Variants in DLGAP1 observed in about 807,000 individuals in gnomAD.
DLGAP1 encodes the protein disks large-associated protein 1.
In DLGAP1, 11 loss-of-function variants were observed where a neutral mutation model predicts 90.8. That is an observed-to-expected ratio of 0.12 (90% CI 0.08 to 0.20). DLGAP1 has a LOEUF of 0.20. Among genes scored for constraint, DLGAP1 ranks in the 10% least tolerant of loss-of-function variants. The pLI, the probability that DLGAP1 is intolerant of heterozygous loss-of-function variation, is 1.00. For missense variants in DLGAP1, 1,050 were observed against 1,333.8 expected (o/e 0.79, Z 3.31); for synonymous variants, 558 against 540.7 (o/e 1.03, Z -0.44).
chr18:4,447,456 A>G (rs2083696058), intron 1 of DLGAP1, among the ~76,000 whole-genome samples: 1 of 152,196 alleles, frequency 6.6e-6, no homozygotes, highest in Non-Finnish European at 1.5e-5. Context: ...ACATACATAC[A>G]TAGCAAAGAA....
chr18:4,009,655 C>T (rs943295663), intron 2 of DLGAP1, among the ~76,000 whole-genome samples: 2 of 152,226 alleles, frequency 1.3e-5, no homozygotes, highest in Non-Finnish European at 2.9e-5. Flanking sequence ...TTCCTCTCCT[C>T]ACTCTATTGG....
intron 7 of DLGAP1, among the ~76,000 whole-genome samples, chr18:3,592,843 CAAAAAAAA>C (rs56871583): frequency 3.7e-3 from 158 of 42,590 alleles, no homozygotes; most frequent in African/African-American, 8.7e-3. Flanking sequence ...GACCCTGCCT[CAAAAAAAA>C]AAAAAAAAAA....
intron 4 of DLGAP1, chr18:3,845,509 A>G: frequency 1.6e-6 from 2 of 1,270,130 alleles, no homozygotes; most frequent in Non-Finnish European, 2.0e-6. Flanking sequence ...CACTTAAGTG[A>G]ATACTTAGTG....
chr18:4,149,327 C>A (rs942726929), intron 2 of DLGAP1, among the ~76,000 whole-genome samples: 1 of 152,100 alleles, frequency 6.6e-6, no homozygotes, highest in African/African-American at 2.4e-5. Context: ...AGAATTCACT[C>A]GGATTCCATG....
intron 8 of DLGAP1, among the ~76,000 whole-genome samples, chr18:3,577,397 C>G (rs2055220669): frequency 6.6e-6 from 1 of 152,186 alleles, no homozygotes; most frequent in Non-Finnish European, 1.5e-5. Flanking sequence ...AAGAAGTGAG[C>G]CTGGTCTGTG....
chr18:3,510,439 G>C (rs1451381179), intron 10 of DLGAP1, among the ~76,000 whole-genome samples: 1 of 152,136 alleles, frequency 6.6e-6, no homozygotes, highest in Non-Finnish European at 1.5e-5. Flanking sequence ...GGAGAGAAAA[G>C]GAAAAAACAA....
At chr18:3,846,343 GTGCAT>G (rs760631092) in intron 4 of DLGAP1, among the ~76,000 whole-genome samples, 2 of 151,998 alleles carry the variant, frequency 1.3e-5, no homozygotes, top group Non-Finnish European at 2.9e-5. Flanking sequence ...AAAAGCACAG[GTGCAT>G]TTAATAAGAA....
intron 1 of DLGAP1, among the ~76,000 whole-genome samples, chr18:4,394,033 G>A (rs138207520): frequency 3.0e-4 from 46 of 152,318 alleles, no homozygotes; most frequent in Non-Finnish European, 4.3e-4. Context: ...TGGCAGAGGG[G>A]TTGGGGATCC....
chr18:4,017,395 T>C lies in DLGAP1; in HGVS notation c.-158-12194A>G, dbSNP rs571743541. ...AAAGAAAGCAGAAATGGTTTGGGAC[T>C]TCATATCCTGTTTTCCCTGGAGTTC... On this transcript the variant is annotated intron_variant, in intron 2 of 12. Transcript: ENST00000315677. Among the ~76,000 whole-genome samples the C allele has an allele frequency of 5.3e-5, 8 of 152,338 alleles. No individual in the cohort carries two copies. The East Asian group carries it at 1.4e-3, about 26-fold the overall frequency.
intron 1 of DLGAP1, among the ~76,000 whole-genome samples, chr18:4,299,217 A>G (rs1472284127): frequency 6.6e-6 from 1 of 152,172 alleles, no homozygotes; most frequent in African/African-American, 2.4e-5. Flanking sequence ...TCCAGTGCAC[A>G]CCAAGATTTA....
chr18:4,267,702 C>A (rs543088438), intron 1 of DLGAP1, among the ~76,000 whole-genome samples: 1 of 152,122 alleles, frequency 6.6e-6, no homozygotes, highest in South Asian at 2.1e-4. Context: ...GGCTCAGGAT[C>A]GCACATGAGG....
intron 3 of DLGAP1, among the ~76,000 whole-genome samples, chr18:3,902,242 C>T (rs892280377): frequency 6.6e-6 from 1 of 152,172 alleles, no homozygotes; most frequent in African/African-American, 2.4e-5. Flanking sequence ...AAATGAGTAA[C>T]TTGCTTTGTT....
chr18:3,823,179 G>T (rs750652712), intron 4 of DLGAP1, among the ~76,000 whole-genome samples: 1 of 152,206 alleles, frequency 6.6e-6, no homozygotes, highest in Non-Finnish European at 1.5e-5. Flanking sequence ...TAGCCCAAGA[G>T]TTGGGGTAGG....
At chr18:3,851,298 G>T (rs753346629) in intron 4 of DLGAP1, among the ~76,000 whole-genome samples, 1 of 152,186 alleles carries the variant, frequency 6.6e-6, no homozygotes, top group Non-Finnish European at 1.5e-5. Context: ...AATTCTAAAA[G>T]TGTTACTGAA....
Position 4,377,867 on chromosome 18 carries a change from T to C in DLGAP1, c.-267+77139A>G, listed in dbSNP as rs118063961. ...TACCTTTGATTTTCAAATTCTACAA[T>C]TTGGAATCCATCATTTATAAGTATA... On this transcript the variant is annotated intron_variant, in intron 1 of 12. Transcript: ENST00000315677. Among the ~76,000 whole-genome samples the C allele has an allele frequency of 9.2e-5, 14 of 152,054 alleles. No homozygotes were observed. In the East Asian group the frequency reaches 1.2e-3, roughly 13 times the overall value.
chr18:3,671,284 A>C (rs1336757814), intron 7 of DLGAP1, among the ~76,000 whole-genome samples: 1 of 151,894 alleles, frequency 6.6e-6, no homozygotes, highest in Non-Finnish European at 1.5e-5. Flanking sequence ...CTAGGATCAT[A>C]ACACCCCTAT....
intron 1 of DLGAP1, among the ~76,000 whole-genome samples, chr18:4,436,111 C>T (rs886734556): frequency 2.0e-5 from 3 of 152,110 alleles, no homozygotes; most frequent in Non-Finnish European, 4.4e-5. Flanking sequence ...TAGAAAATAT[C>T]CAGGGAAGCG....
Position 3,600,717 on chromosome 18 carries a change from TATAGAG to T in DLGAP1, c.1592-18475_1592-18470del, listed in dbSNP as rs1235325248. Among the ~76,000 whole-genome samples the T allele has an allele frequency of 2.8e-3, 202 of 73,116 alleles. 1 individual carries two copies. Among genetic ancestry groups the T allele is most frequent in the Middle Eastern group, 9.4e-3 (1 of 106 alleles). The allele number at this position is 73,116 out of a possible 152,430, so 48.0% of individuals were successfully genotyped here. On this transcript the variant is annotated intron_variant, in intron 7 of 12. Coordinates refer to ENST00000315677, the MANE Select transcript of DLGAP1 (RefSeq NM_004746.4). ...ATATAGATATCTATAGCTATATAGATATAGAGATATAGATATATATAGATATATAGA... is the reference window on the plus strand; with the variant it reads ...ATATAGATATCTATAGCTATATAGATATATAGATATATATAGATATATAGA...
At chr18:4,146,448 G>A (rs543020368) in intron 2 of DLGAP1, among the ~76,000 whole-genome samples, 1 of 152,182 alleles carries the variant, frequency 6.6e-6, no homozygotes, top group East Asian at 1.9e-4. Context: ...TCATAATTTT[G>A]TGTCGGATTT....
Sources: allele counts gnomAD v4.1 joint callset (sites outside exome capture counted in the v4.1 genomes callset), GRCh38; gene constraint gnomAD v4.1.1; transcripts MANE v1.5; gene names NCBI Gene and HGNC (gene_info 2026-07-23, HGNC 2026-07-21).